ARHGAP32: variants seen among roughly 807,000 people sequenced by gnomAD.
ARHGAP32 encodes Rho GTPase activating protein 32.
Under a neutral mutation model 186.5 loss-of-function variants are expected in ARHGAP32, and 51 were observed. That is an observed-to-expected ratio of 0.27 (90% CI 0.22 to 0.35). The LOEUF is 0.35. Among genes scored for constraint, ARHGAP32 ranks in the 10% least tolerant of loss-of-function variants. ARHGAP32 has a pLI of 1.00. For synonymous variants in ARHGAP32, 950 were observed against 964.3 expected (o/e 0.99, Z 0.27); for missense variants, 2,186 against 2,623.5 (o/e 0.83, Z 3.64).
At chr11:129,222,361 C>G (rs1227768069) in intron 1 of ARHGAP32, among the ~76,000 whole-genome samples, 3 of 152,090 alleles carry the variant, frequency 2.0e-5, no homozygotes, top group Non-Finnish European at 2.9e-5. Context: ...GGTTAAGCAA[C>G]TTTCCCAAGG....
At chr11:129,253,865 C>A (rs182644967) in intron 1 of ARHGAP32, among the ~76,000 whole-genome samples, 1 of 151,990 alleles carries the variant, frequency 6.6e-6, no homozygotes, top group Non-Finnish European at 1.5e-5. Flanking sequence ...ACCATATGTA[C>A]CTGATCCACT....
At chr11:129,044,385 T>C (rs1941745) in intron 10 of ARHGAP32, among the ~76,000 whole-genome samples, 41,787 of 152,132 alleles carry the variant, frequency 0.27, 6,229 homozygotes, top group Middle Eastern at 0.4. Context: ...CTTTAACCCA[T>C]TTATGGCAGA....
intron 6 of ARHGAP32, among the ~76,000 whole-genome samples, chr11:129,081,797 G>C (rs1050219459): frequency 6.6e-6 from 1 of 152,006 alleles, no homozygotes; most frequent in Non-Finnish European, 1.5e-5. Flanking sequence ...GACTGGTAAA[G>C]AGGAAGTCAA....
At chr11:129,060,379 A>AG (rs2135129202) in intron 10 of ARHGAP32, among the ~76,000 whole-genome samples, 1 of 146,570 alleles carries the variant, frequency 6.8e-6, no homozygotes, top group African/African-American at 2.5e-5. Context: ...ATAGATAGAT[A>AG]GATAAGATAG....
intron 18 of ARHGAP32, among the ~76,000 whole-genome samples, chr11:128,980,293 C>T (rs1020189088): frequency 6.6e-6 from 1 of 152,142 alleles, no homozygotes; most frequent in East Asian, 1.9e-4. Context: ...ACAGTATATC[C>T]TTATTTTTCC....
At chr11:129,109,911 G>A (rs773957268) in intron 5 of ARHGAP32, among the ~76,000 whole-genome samples, 36 of 152,062 alleles carry the variant, frequency 2.4e-4, no homozygotes, top group Non-Finnish European at 3.2e-4. Context: ...CAGAGACTCT[G>A]TCGATTGTTT....
chr11:129,087,846 T>C (rs1456533462), intron 6 of ARHGAP32, among the ~76,000 whole-genome samples: 1 of 152,190 alleles, frequency 6.6e-6, no homozygotes, highest in Non-Finnish European at 1.5e-5. Flanking sequence ...ACATGGAGCT[T>C]ATGGGAACTC....
In ARHGAP32 at chr11:129,009,530, C is replaced by T. The variant is rs530832894; in HGVS notation, c.1046-11062G>A. ...CAAGCTCCACTGTGTGTTGTTCCCC[C>T]CATGCATCCATGTGTTCTCATTGTT... On this transcript the variant is annotated intron_variant, in intron 11 of 22. Coordinates refer to ENST00000682385, the MANE Select transcript of ARHGAP32 (RefSeq NM_001378024.1). Among the ~76,000 whole-genome samples, 3 of 152,224 alleles carry T rather than the reference C, an allele frequency of 2.0e-5. 1 individual carries two copies. In the South Asian group the frequency reaches 6.2e-4, roughly 32 times the overall value.
intron 5 of ARHGAP32, among the ~76,000 whole-genome samples, chr11:129,109,354 T>C (rs1299749441): frequency 2.0e-5 from 3 of 152,098 alleles, no homozygotes; most frequent in African/African-American, 7.2e-5. Flanking sequence ...TTCCATATCT[T>C]TGTTATTGTA....
intron 1 of ARHGAP32, among the ~76,000 whole-genome samples, chr11:129,263,241 T>A (rs905050249): frequency 6.6e-6 from 1 of 152,018 alleles, no homozygotes; most frequent in African/African-American, 2.4e-5. Context: ...CTAGACAACA[T>A]TAATATTAAA....
At chr11:129,080,888 T>A (rs1393171697) in intron 6 of ARHGAP32, among the ~76,000 whole-genome samples, 1 of 151,694 alleles carries the variant, frequency 6.6e-6, no homozygotes, top group East Asian at 1.9e-4. Flanking sequence ...AACGAGAAGA[T>A]CCAACTAAGC....
chr11:128,988,191 A>G (rs1945934188), intron 12 of ARHGAP32, 66 bp from the exon 13 acceptor site: 8 of 1,208,046 alleles, frequency 6.6e-6, no homozygotes, highest in Non-Finnish European at 8.3e-6. Flanking sequence ...TTGCCAAAAA[A>G]TAAGATTGTC....
At chr11:129,230,910 G>T (rs1429851216) in intron 1 of ARHGAP32, among the ~76,000 whole-genome samples, 1 of 152,080 alleles carries the variant, frequency 6.6e-6, no homozygotes, top group Admixed American at 6.6e-5. Context: ...CAAGGTGGGC[G>T]GATCACTTGA....
At chr11:129,275,261 A>G (rs565615930) in intron 1 of ARHGAP32, among the ~76,000 whole-genome samples, 46 of 152,330 alleles carry the variant, frequency 3.0e-4, no homozygotes, top group African/African-American at 8.4e-4. Context: ...AATCATCATC[A>G]TCTATCACTT....
chr11:129,031,131 G>C (rs1939096039), intron 11 of ARHGAP32, among the ~76,000 whole-genome samples: 1 of 152,020 alleles, frequency 6.6e-6, no homozygotes, highest in Non-Finnish European at 1.5e-5. Context: ...CGCTAGAATA[G>C]ACTAACACAA....
intron 12 of ARHGAP32, among the ~76,000 whole-genome samples, chr11:128,994,303 C>G (rs553221292): frequency 6.6e-6 from 1 of 152,054 alleles, no homozygotes; most frequent in South Asian, 2.1e-4. Context: ...TACAGGCATG[C>G]ACCACCACAC....
At chr11:128,976,464 G>T (rs1945544027) in intron 20 of ARHGAP32, 99 bp downstream of exon 20, 4 of 948,946 alleles carry the variant, frequency 4.2e-6, no homozygotes, top group Middle Eastern at 2.2e-4. Flanking sequence ...TGAGTTAATA[G>T]CCTATTTATT....
intron 6 of ARHGAP32, among the ~76,000 whole-genome samples, chr11:129,082,913 A>T (rs531490429): frequency 1.3e-4 from 20 of 151,936 alleles, no homozygotes; most frequent in African/African-American, 3.4e-4. Context: ...CAACAACAAC[A>T]AATAATTCCA....
chr11:129,273,745 T>A (rs1433134956), intron 1 of ARHGAP32, among the ~76,000 whole-genome samples: 1 of 152,162 alleles, frequency 6.6e-6, no homozygotes, highest in Non-Finnish European at 1.5e-5. Flanking sequence ...ATAAAAGCAG[T>A]GGAGTCAAAT....
Sources: allele counts gnomAD v4.1 joint callset (sites outside exome capture counted in the v4.1 genomes callset), GRCh38; gene constraint gnomAD v4.1.1; transcripts MANE v1.5; gene names NCBI Gene and HGNC (gene_info 2026-07-23, HGNC 2026-07-21).